ZNF782: variants seen among roughly 807,000 people sequenced by gnomAD.
ZNF782 encodes the protein zinc finger protein 782.
In ZNF782, 12 loss-of-function variants were observed where a neutral mutation model predicts 13.0. The observed-to-expected ratio is 0.92, with a 90% CI of 0.59 to 1.50. The LOEUF (loss-of-function observed/expected upper bound fraction) is 1.50. Ranked by LOEUF, ZNF782 falls within the 40% of genes most tolerant of loss-of-function variation. ZNF782 has a pLI of 0.00. For missense variants in ZNF782, 770 were observed against 822.9 expected, an observed-to-expected ratio of 0.94 and a Z score of 0.79; for synonymous variants, 284 against 283.0, an observed-to-expected ratio of 1.00 and a Z score of -0.04.
the ZNF782 span, among the ~76,000 whole-genome samples, chr9:96,912,047 A>G: frequency 1.3e-5 from 2 of 151,102 alleles, no homozygotes; most frequent in Admixed American, 1.3e-4. Flanking sequence ...TAAAAATACA[A>G]AAAATCAGCC....
chr9:96,824,598 A>G lies in ZNF782; in HGVS notation c.244+2482T>C, dbSNP rs1176834167. ...GGAAATAAAGGGTATTCAATTAGGA[A>G]AAGAGGAAGTCAAATTGTCCCTGTT... On this transcript the variant is annotated intron_variant, in intron 5 of 5. Transcript: ENST00000481138. 2.4e-3 allele frequency among the ~76,000 whole-genome samples: 329 copies of G among 137,762 alleles called. 3 individuals are homozygous for G. The highest frequency in any genetic ancestry group is 7.8e-3 in the African/African-American group (298 of 38,098). The allele number at this position is 137,762 out of a possible 152,430, so 90.4% of individuals were successfully genotyped here.
chr9:96,901,711 A>G, the ZNF782 span, among the ~76,000 whole-genome samples: 1 of 151,496 alleles, frequency 6.6e-6, no homozygotes, highest in African/African-American at 2.4e-5. Context: ...CGTCTCTACT[A>G]AAAATACAAA....
chr9:96,922,568 C>T, the ZNF782 span, among the ~76,000 whole-genome samples: 6 of 152,296 alleles, frequency 3.9e-5, no homozygotes, highest in Admixed American at 6.5e-5. Flanking sequence ...GTCAGGAGAT[C>T]GAGACCATCC....
the ZNF782 span, among the ~76,000 whole-genome samples, chr9:96,925,232 C>T: frequency 6.6e-6 from 1 of 152,034 alleles, no homozygotes; most frequent in African/African-American, 2.4e-5. Flanking sequence ...GTGGAGCCCG[C>T]CCTGGGAGGG....
chr9:96,826,054 T>C (rs1388066255), intron 5 of ZNF782, among the ~76,000 whole-genome samples: 1 of 152,238 alleles, frequency 6.6e-6, no homozygotes, highest in Non-Finnish European at 1.5e-5. Context: ...ACTGGGTATA[T>C]ACCCAAAGGA....
At chr9:96,863,688 G>T (rs1283727437) in intron 1 of ZNF782, among the ~76,000 whole-genome samples, 1 of 152,176 alleles carries the variant, frequency 6.6e-6, no homozygotes, top group Non-Finnish European at 1.5e-5. Context: ...CCATAAAATG[G>T]AATGAAATAA....
chr9:96,823,527 C>T lies in ZNF782; in HGVS notation c.244+3553G>A, dbSNP rs13301997. ...TCTATTTTAGCATTATCAAAATGCC[C>T]TTTCTCTTCTCTGTTTTTTGACCTG... On this transcript the variant is annotated intron_variant, in intron 5 of 5. Coordinates refer to ENST00000481138, the MANE Select transcript of ZNF782 (RefSeq NM_001001662.3). Among the ~76,000 whole-genome samples the T allele has an allele frequency of 7.5e-3, 1,140 of 152,228 alleles. 10 individuals are homozygous for T. Among genetic ancestry groups the T allele is most frequent in the Non-Finnish European group, 0.013 (869 of 68,000 alleles).
At chr9:96,918,342 G>C in the ZNF782 span, among the ~76,000 whole-genome samples, 1 of 148,176 alleles carries the variant, frequency 6.7e-6, no homozygotes, top group East Asian at 2.0e-4. Context: ...CTCCGGAGGC[G>C]GAGGTTGCAG....
chr9:96,898,366 A>G, the ZNF782 span, among the ~76,000 whole-genome samples: 1 of 147,682 alleles, frequency 6.8e-6, no homozygotes. Context: ...GAATTTACCT[A>G]TCTTGGACGT....
At chr9:96,834,531 T>C (rs567579155) in intron 4 of ZNF782, among the ~76,000 whole-genome samples, 2 of 145,348 alleles carry the variant, frequency 1.4e-5, no homozygotes, top group South Asian at 4.3e-4. Flanking sequence ...GTGAGTTATT[T>C]AGAGATTCCT....
the ZNF782 span, chr9:96,893,113 G>T: frequency 1.3e-5 from 2 of 152,120 alleles, no homozygotes; most frequent in East Asian, 3.8e-4. Flanking sequence ...AAACACTTAT[G>T]TGCTCACAAT....
At chr9:96,831,525 T>C (rs10979224) in intron 4 of ZNF782, among the ~76,000 whole-genome samples, 21,483 of 151,718 alleles carry the variant, frequency 0.14, 3,453 homozygotes, top group African/African-American at 0.38. Flanking sequence ...CTGGCTAACA[T>C]GGTGAAACTC....
chr9:96,818,861 G>A lies in ZNF782; in HGVS notation c.1162C>T (p.His388Tyr), dbSNP rs780460836. 1.9e-6 allele frequency: 3 copies of A among 1,614,194 alleles called. No homozygotes were observed. Among genetic ancestry groups the A allele is most frequent in the Non-Finnish European group, 2.5e-6 (3 of 1,180,038 alleles). The change falls in exon 6 of 6, where the codon CAC becomes TAC. Residue 388 changes from histidine (H) to tyrosine (Y), a missense_variant. Physicochemically the swap from His to Tyr is moderately conservative, Grantham distance 83. Coordinates refer to ENST00000481138, the MANE Select transcript of ZNF782 (RefSeq NM_001001662.3). ...NSHLIWPQKS[H>Y]TGEKPYECPE... The stretch of plus-strand genomic sequence containing the variant: ...CATTCATAGGGTTTCTCCCCTGTGT[G>A]ACTTTTCTGAGGCCAAATCAAGTGT...
Position 96,850,766 on chromosome 9 carries a change from T to G in ZNF782, c.15+1181A>C, listed in dbSNP as rs1014837364. Among the ~76,000 whole-genome samples the G allele has an allele frequency of 1.3e-5, 2 of 152,206 alleles. No individual in the cohort carries two copies. Among genetic ancestry groups the G allele is most frequent in the African/African-American group, 4.8e-5 (2 of 41,446 alleles). ...TAGTTAAGGCCTGTCTTGACTTCTTTTAGACCCTGGGTAGTAAAATACATA... is the reference window on the plus strand; with the variant it reads ...TAGTTAAGGCCTGTCTTGACTTCTTGTAGACCCTGGGTAGTAAAATACATA... On this transcript the variant is annotated intron_variant, in intron 3 of 5. Transcript: ENST00000481138. The surrounding 1 kb of genome is among the most constrained non-coding windows in gnomAD (Gnocchi z 4.3).
At chr9:96,860,422 A>G (rs1255607980) in intron 2 of ZNF782, 1 of 152,344 alleles carries the variant, frequency 6.6e-6, no homozygotes. Flanking sequence ...AGCCTAGCAC[A>G]AAGAGAGAGA....
chr9:96,912,632 G>A, the ZNF782 span, among the ~76,000 whole-genome samples: 14 of 151,828 alleles, frequency 9.2e-5, no homozygotes, highest in African/African-American at 3.1e-4. Flanking sequence ...GGGTTCAAGC[G>A]ATTCTCCTGC....
the ZNF782 span, among the ~76,000 whole-genome samples, chr9:96,918,332 C>T: frequency 6.8e-6 from 1 of 147,608 alleles, no homozygotes; most frequent in Non-Finnish European, 1.5e-5. Flanking sequence ...ATTGCTTCAA[C>T]TCCGGAGGCG....
the ZNF782 span, chr9:96,918,592 G>A: frequency 6.6e-6 from 1 of 150,620 alleles, no homozygotes; most frequent in African/African-American, 2.4e-5. Context: ...GCAAAGATAA[G>A]AGACAAAAGG....
At chr9:96,838,802 G>A (rs1323312227) in intron 4 of ZNF782, among the ~76,000 whole-genome samples, 6 of 149,720 alleles carry the variant, frequency 4.0e-5, no homozygotes, top group Middle Eastern at 3.2e-3. Flanking sequence ...TGCAACCTCC[G>A]TCTCCGGGGT....
Sources: gnomAD v4.1 joint callset for allele counts (sites outside exome capture counted in the v4.1 genomes callset) on GRCh38, gnomAD v4.1.1 for gene constraint, Gnocchi (gnomAD v3.1) non-coding constraint, MANE v1.5 for transcripts, NCBI Gene and HGNC (gene_info 2026-07-23, HGNC 2026-07-21) for gene names.